Variants in ACYP2 observed in about 807,000 individuals in gnomAD.
The protein encoded by ACYP2 is acylphosphatase 2.
Under a neutral mutation model 11.2 loss-of-function variants are expected in ACYP2, and 12 were observed. That is an observed-to-expected ratio of 1.08 (90% CI 0.69 to 1.74). The LOEUF is 1.74. Among genes scored for constraint, ACYP2 ranks in the 40% most tolerant of loss-of-function variants. ACYP2 has a pLI of 0.00. For synonymous variants in ACYP2, 43 were observed against 32.2 expected, an observed-to-expected ratio of 1.33 and a Z score of -1.13; for missense variants, 134 against 101.9, an observed-to-expected ratio of 1.31 and a Z score of -1.35.
intron 4 of ACYP2, among the ~76,000 whole-genome samples, chr2:54,114,698 C>G (rs377520246): frequency 4.6e-5 from 7 of 152,268 alleles, no homozygotes; most frequent in African/African-American, 1.7e-4. Flanking sequence ...ACAACAGCAA[C>G]AAACCCACAC....
intron 6 of ACYP2, chr2:54,267,431 G>C (rs1473714729): frequency 2.2e-6 from 3 of 1,385,936 alleles, no homozygotes; most frequent in Non-Finnish European, 2.9e-6. Flanking sequence ...GGGAACAGAA[G>C]GAGGGAGAAG....
chr2:54,265,694 T>G (rs1687984549), intron 6 of ACYP2, among the ~76,000 whole-genome samples: 1 of 152,224 alleles, frequency 6.6e-6, no homozygotes. Context: ...TAAGTTGAAA[T>G]GTAGTGGTTA....
At chr2:54,128,989 A>G (rs1363151949) in intron 4 of ACYP2, among the ~76,000 whole-genome samples, 1 of 152,222 alleles carries the variant, frequency 6.6e-6, no homozygotes, top group East Asian at 1.9e-4. Context: ...GTTTCTAGGT[A>G]TTCCTTAATC....
chr2:54,007,138 C>CAAAAAAAAAAAAAAAA (rs70944145), intron 2 of ACYP2, among the ~76,000 whole-genome samples: 9 of 52,204 alleles, frequency 1.7e-4, no homozygotes, highest in Non-Finnish European at 2.4e-4. Context: ...GACTCTGTGT[C>CAAAAAAAAAAAAAAAA]AAAAAAAAAA....
chr2:54,095,490 CG>C (rs1678486368), intron 4 of ACYP2, among the ~76,000 whole-genome samples: 1 of 150,644 alleles, frequency 6.6e-6, no homozygotes, highest in South Asian at 2.1e-4. Context: ...ACCTCCCGGA[CG>C]GGGCGGCTGG....
chr2:54,066,437 G>C (rs545684561), intron 4 of ACYP2, among the ~76,000 whole-genome samples: 1 of 152,266 alleles, frequency 6.6e-6, no homozygotes, highest in Admixed American at 6.5e-5. Context: ...TTATAGCAGT[G>C]TGAAAACAAA....
intron 4 of ACYP2, among the ~76,000 whole-genome samples, chr2:54,129,804 C>G (rs1359046012): frequency 1.4e-5 from 2 of 147,862 alleles, no homozygotes; most frequent in African/African-American, 2.5e-5. Context: ...AACTTAAAGT[C>G]TAATAAATAT....
chr2:54,220,507 C>T (rs1174740589), intron 6 of ACYP2, among the ~76,000 whole-genome samples: 1 of 151,988 alleles, frequency 6.6e-6, no homozygotes, highest in African/African-American at 2.4e-5. Flanking sequence ...GGAGCATTTC[C>T]CAGATACAAT....
At position 54,080,918 on chromosome 2, in the gene ACYP2, G is replaced by T. The variant is rs1317595222; in HGVS notation, c.277+23558G>T. On this transcript the variant is annotated intron_variant, in intron 4 of 6. Coordinates refer to ENST00000607452, the MANE Select transcript of ACYP2 (RefSeq NM_001320586.2). ...TAGGATTATAGGGGTTAGCCACCATGCCTGGCTGTTTTGTTTCTATAGCTT... is the reference window on the plus strand; with the variant it reads ...TAGGATTATAGGGGTTAGCCACCATTCCTGGCTGTTTTGTTTCTATAGCTT... 3.3e-5 allele frequency among the ~76,000 whole-genome samples: 5 copies of T among 152,258 alleles called. No homozygotes were observed. In the East Asian group the frequency reaches 7.7e-4, roughly 23 times the overall value.
intron 6 of ACYP2, among the ~76,000 whole-genome samples, chr2:54,159,441 C>G (rs1682608827): frequency 6.6e-6 from 1 of 150,848 alleles, no homozygotes; most frequent in African/African-American, 2.4e-5. Flanking sequence ...CTCCTGGGCT[C>G]AAGCAATCCA....
intron 2 of ACYP2, among the ~76,000 whole-genome samples, chr2:53,988,261 T>G (rs1487507958): frequency 6.6e-6 from 1 of 152,148 alleles, no homozygotes; most frequent in Non-Finnish European, 1.5e-5. Flanking sequence ...ATTCCAAAGT[T>G]CTTTTTCTAA....
chr2:54,017,086 A>T (rs1194617504), intron 2 of ACYP2, among the ~76,000 whole-genome samples: 1 of 152,024 alleles, frequency 6.6e-6, no homozygotes, highest in Non-Finnish European at 1.5e-5. Flanking sequence ...TGAAAAGGGC[A>T]AAAGGGAACA....
At chr2:53,999,282 T>C (rs1252126168) in intron 2 of ACYP2, among the ~76,000 whole-genome samples, 16 of 151,966 alleles carry the variant, frequency 1.1e-4, no homozygotes, top group Admixed American at 1.1e-3. Flanking sequence ...AATATACACA[T>C]ACAGGGAGAT....
At chr2:53,973,855 A>ATATGTGTG (rs1351227730) in intron 2 of ACYP2, 2 of 124,210 alleles carry the variant, frequency 1.6e-5, no homozygotes, top group Admixed American at 1.2e-4. Context: ...GGATATATAT[A>ATATGTGTG]TGTGTGTGTG....
chr2:54,126,720 G>T (rs1680531665), intron 4 of ACYP2, among the ~76,000 whole-genome samples: 1 of 152,212 alleles, frequency 6.6e-6, no homozygotes, highest in Non-Finnish European at 1.5e-5. Flanking sequence ...GGCCTAGGCG[G>T]GCGGATCACC....
intron 4 of ACYP2, among the ~76,000 whole-genome samples, chr2:54,063,505 C>G (rs1676576455): frequency 6.6e-6 from 1 of 152,090 alleles, no homozygotes; most frequent in Non-Finnish European, 1.5e-5. Context: ...TGGGTTTGAC[C>G]CAGGAGAGGC....
chr2:54,172,459 TCAATCATGTTGAC>T (rs2103852190), intron 6 of ACYP2, among the ~76,000 whole-genome samples: 1 of 152,308 alleles, frequency 6.6e-6, no homozygotes, highest in Non-Finnish European at 1.5e-5. Context: ...TGATGAAATG[TCAATCATGTTGAC>T]CAATTTTTCA....
intron 6 of ACYP2, among the ~76,000 whole-genome samples, chr2:54,218,764 C>T (rs1685663826): frequency 6.6e-6 from 1 of 152,180 alleles, no homozygotes; most frequent in African/African-American, 2.4e-5. Context: ...CTTGAGATCA[C>T]ATGAGGCTTT....
chr2:54,119,814 G>A (rs1012951863), intron 4 of ACYP2, among the ~76,000 whole-genome samples: 1 of 150,958 alleles, frequency 6.6e-6, no homozygotes, highest in African/African-American at 2.4e-5. Context: ...TCTTTTTTTT[G>A]GTTCCAGGAT....
Sources: allele counts gnomAD v4.1 joint callset (sites outside exome capture counted in the v4.1 genomes callset), GRCh38; gene constraint gnomAD v4.1.1; transcripts MANE v1.5; gene names NCBI Gene and HGNC (gene_info 2026-07-23, HGNC 2026-07-21).